Variants in CAPN15 observed in about 807,000 individuals in gnomAD.
The protein encoded by CAPN15 is calpain-15.
A neutral mutation model predicts 97.9 loss-of-function variants in CAPN15; 53 were observed. The ratio of observed to expected loss-of-function variants is 0.54; its 90% CI spans 0.43 to 0.68. The LOEUF is 0.68. Among genes scored for constraint, CAPN15 ranks in the 30% least tolerant of loss-of-function variants. CAPN15 has a pLI of 0.00. For missense variants in CAPN15, 1,592 were observed against 1,589.8 expected (o/e 1.00, Z -0.02); for synonymous variants, 922 against 722.5 (o/e 1.28, Z -4.43).
At chr16:529,324 T>C (rs1456173791) in intron 1 of CAPN15, among the ~76,000 whole-genome samples, 1 of 152,102 alleles carries the variant, frequency 6.6e-6, no homozygotes, top group African/African-American at 2.4e-5. Context: ...TCCCCTGTAA[T>C]GCTGCATCTG....
chr16:543,728 C>A (rs1465437040), intron 3 of CAPN15, among the ~76,000 whole-genome samples: 5 of 152,204 alleles, frequency 3.3e-5, no homozygotes, highest in African/African-American at 4.8e-5. Flanking sequence ...ACACGCGGAG[C>A]CCTCCCCACC....
Position 549,393 on chromosome 16 carries a change from C to T in CAPN15, c.1764C>T (p.Cys588=). The change falls in exon 6 of 14, where the codon TGC becomes TGT. Residue 588 remains cysteine, a synonymous_variant. Transcript: ENST00000219611. ...AGGGCGCCTACCAGGTGCGGCTGTG[C>T]AAGGACGGCACGTGGACCACGGTGC... The part of the protein sequence containing the change: ...CAEGAYQVRL[C]KDGTWTTVLV... The T allele has an allele frequency of 6.3e-7, 1 of 1,599,052 alleles. No individual in the cohort carries two copies. Among genetic ancestry groups the T allele is most frequent in the Non-Finnish European group, 8.5e-7 (1 of 1,178,706 alleles).
In CAPN15 at chr16:553,490, G is replaced by A. The variant is rs79123767; in HGVS notation, c.3235G>A (p.Gly1079Ser). 210 of 1,609,094 alleles carry A rather than the reference G, an allele frequency of 1.3e-4. 1 individual carries two copies. In the East Asian group the frequency reaches 1.7e-3, roughly 13 times the overall value. Reference sequence around the variant, plus strand: ...CCCCCCACTCACGCCAGAGGTCGCCGGTCTGCATGGGCCCCGACCGCTGTG... The same window carrying A: ...CCCCCCACTCACGCCAGAGGTCGCCAGTCTGCATGGGCCCCGACCGCTGTG... ...HSPPLTPEVA[G>S]LHGPRPL Residue 1079 changes from glycine (G) to serine (S), a missense_variant, in exon 14 of 14, where the codon GGT becomes AGT. This residue lies in a region of CAPN15 where 644 missense variants were observed against 699.6 expected (regional missense o/e 0.92). Transcript: ENST00000219611.
chr16:548,982 G>T lies in CAPN15; in HGVS notation c.1450-11G>T. The T allele has an allele frequency of 6.2e-7, 1 of 1,612,392 alleles. No individual in the cohort carries two copies. Among genetic ancestry groups the T allele is most frequent in the South Asian group, 1.1e-5 (1 of 91,062 alleles). ...CTGCCCAGCCTGAGCACATGGCCGT[G>T]GTCTCTGCAGAACAATGTGAGCTTC... On this transcript the variant is annotated splice_polypyrimidine_tract_variant and intron_variant, in intron 4 of 13. Coordinates refer to ENST00000219611, the MANE Select transcript of CAPN15 (RefSeq NM_005632.3).
rs200514593 is a variant in CAPN15 at position 552,306 on chromosome 16, C to T, written c.2513C>T (p.Ser838Leu). 8.3e-5 allele frequency: 129 copies of T among 1,556,692 alleles called. No individual in the cohort carries two copies. Among genetic ancestry groups the T allele is most frequent in the South Asian group, 2.1e-4 (18 of 85,704 alleles). The change falls in exon 11 of 14, where the codon TCG (serine) becomes TTG (leucine). Residue 838 changes from serine (S) to leucine (L), a missense_variant. By Grantham distance (145) the Ser-to-Leu change is moderately radical. Around this residue, in one of 3 missense-constraint regions of CAPN15, gnomAD observed 644 missense variants for 699.6 expected, o/e 0.92. Transcript: ENST00000219611. This position sits in a 1 kb window ranked among gnomAD's most constrained non-coding sequence, Gnocchi z 6.4. The stretch of plus-strand genomic sequence containing the variant: ...GCCCGTGGTGTCTGGCGCAGGCGCT[C>T]GGACGCCGTGGACAGCCACCTGCTG... ...FALFQEGSRR[S>L]DAVDSHLLDL... is the part of the protein sequence containing the mutation.
Position 547,207 on chromosome 16 carries a change from C to G in CAPN15, c.369C>G (p.Cys123Trp), listed in dbSNP as rs374346295. The G allele has an allele frequency of 2.6e-6, 4 of 1,530,130 alleles. No individual in the cohort carries two copies. Among genetic ancestry groups the G allele is most frequent in the Non-Finnish European group, 3.5e-6 (4 of 1,144,114 alleles). The allele number at this position is 1,530,130 out of a possible 1,614,324, so 94.8% of individuals were successfully genotyped here. Residue 123 changes from cysteine (C) to tryptophan (W), a missense_variant, in exon 4 of 14, where the codon TGC (cysteine) becomes TGG (tryptophan). This residue lies in a region of CAPN15 where 883 missense variants were observed against 776.6 expected (regional missense o/e 1.14). Transcript: ENST00000219611. ...LVATEPARGQCEDKDEEEKEE... is the reference protein window; with the variant it reads ...LVATEPARGQWEDKDEEEKEE... The stretch of plus-strand genomic sequence containing the variant: ...CCACGGAGCCCGCCAGGGGGCAGTG[C>G]GAGGACAAGGACGAGGAGGAGAAGG...
rs149502771 is a variant in CAPN15 at position 547,924 on chromosome 16, C to T, written c.1086C>T (p.Ala362=). Residue 362 remains alanine (A), a synonymous_variant, in exon 4 of 14, where the codon GCC becomes GCT. Coordinates refer to ENST00000219611, the MANE Select transcript of CAPN15 (RefSeq NM_005632.3). ...CCACAGTGGCCCCCAGGTGCTCGGCCTGCGGCTGCTCCAAACTGCACGGCT... is the reference window on the plus strand; with the variant it reads ...CCACAGTGGCCCCCAGGTGCTCGGCTTGCGGCTGCTCCAAACTGCACGGCT... ...RNPTVAPRCS[A]CGCSKLHGFQ... is the part of the protein sequence containing the mutation. 3.0e-3 allele frequency: 4,828 copies of T among 1,605,766 alleles called. 9 individuals carry two copies. Among genetic ancestry groups the T allele is most frequent in the Non-Finnish European group, 3.8e-3 (4,506 of 1,176,876 alleles).
rs769988814 is a variant in CAPN15 at position 549,564 on chromosome 16, C to T, written c.1843-51C>T. 13 of 165,822 alleles carry T rather than the reference C, an allele frequency of 7.8e-5. No homozygotes were observed. The highest frequency in any genetic ancestry group is 8.7e-5 in the Non-Finnish European group (9 of 103,046). The allele number at this position is 165,822 out of a possible 1,614,324, so 10.3% of individuals were successfully genotyped here. On this transcript the variant is annotated intron_variant, in intron 6 of 13. Transcript: ENST00000219611. The stretch of plus-strand genomic sequence containing the variant: ...CCGGCTGCTTCCTCTTCTCCCAGGG[C>T]GGGTAGTGTGGGGGGCGGGCGGGGG...
chr16:531,479 A>G (rs1290520833), intron 1 of CAPN15, among the ~76,000 whole-genome samples: 1 of 151,854 alleles, frequency 6.6e-6, no homozygotes, highest in Admixed American at 6.6e-5. Context: ...GAAAGGCAAT[A>G]AGTTTTGGAG....
At position 547,539 on chromosome 16, in the gene CAPN15, C is replaced by G; in HGVS notation, c.701C>G (p.Pro234Arg). The change falls in exon 4 of 14, where the codon CCC becomes CGC. Residue 234 changes from proline to arginine, a missense_variant. This residue lies in a region of CAPN15 where 883 missense variants were observed against 776.6 expected (regional missense o/e 1.14). Coordinates refer to ENST00000219611, the MANE Select transcript of CAPN15 (RefSeq NM_005632.3). ...CCGCCCAGGGTCCCGCCCTTCAGCC[C>G]CTTCTCGTCCACCCTGCAGAACAAC... ...PEPPRVPPFS[P>R]FSSTLQNNPV... 6.3e-7 allele frequency: 1 copy of G among 1,597,786 alleles called. No homozygotes were observed. Among genetic ancestry groups the G allele is most frequent in the African/African-American group, 1.3e-5 (1 of 74,990 alleles).
intron 4 of CAPN15, 96 bp from the exon 5 acceptor site, chr16:548,897 A>C (rs887039410): frequency 9.0e-7 from 1 of 1,111,604 alleles, no homozygotes. Flanking sequence ...GGGCTCAGGC[A>C]GTGCTTTTGG....
At chr16:544,814 CCCCCACGTCGCCTCCCCCACGTCGCCT>C in intron 3 of CAPN15, among the ~76,000 whole-genome samples, 1 of 37,372 alleles carries the variant, frequency 2.7e-5, no homozygotes. Flanking sequence ...CACGTCGCCT[CCCCCACGTCGCCTCCCCCACGTCGCCT>C]CCCCCACGTC....
intron 3 of CAPN15, among the ~76,000 whole-genome samples, chr16:543,642 A>G (rs2034312465): frequency 6.6e-6 from 1 of 152,156 alleles, no homozygotes. Context: ...CCCAAGGTGC[A>G]TGGTGAGGAG....
rs2035304445 is a variant in CAPN15 at position 554,363 on chromosome 16, C to T, written c.*847C>T. On this transcript the variant is annotated 3_prime_UTR_variant, in exon 14 of 14. Transcript: ENST00000219611. Reference sequence around the variant, plus strand: ...CAGCTTTCTGCGTGCCCTCCTGGCCCCTCACTCCCGGCAGCGGGCCGGCCT... The same window carrying T: ...CAGCTTTCTGCGTGCCCTCCTGGCCTCTCACTCCCGGCAGCGGGCCGGCCT... 1 of 387,822 alleles carries T rather than the reference C, an allele frequency of 2.6e-6. No homozygotes were observed. The allele number at this position is 387,822 out of a possible 1,614,324, so 24.0% of individuals were successfully genotyped here. A position where few individuals can be genotyped will look rare whatever the true frequency, so the allele number is the denominator to read the frequency against.
chr16:529,898 G>A (rs1016536087), intron 1 of CAPN15, among the ~76,000 whole-genome samples: 2 of 152,154 alleles, frequency 1.3e-5, no homozygotes, highest in African/African-American at 4.8e-5. Flanking sequence ...ATAAGACACA[G>A]AAGAAGGAGG....
intron 1 of CAPN15, among the ~76,000 whole-genome samples, chr16:532,765 A>G (rs1335319129): frequency 6.6e-6 from 1 of 151,268 alleles, no homozygotes; most frequent in Non-Finnish European, 1.5e-5. Flanking sequence ...AGGCAGGAGA[A>G]TGGCGTGAAC....
chr16:540,653 T>G (rs1267652094), intron 3 of CAPN15, among the ~76,000 whole-genome samples: 2 of 152,200 alleles, frequency 1.3e-5, no homozygotes, highest in Non-Finnish European at 2.9e-5. Context: ...TCCTGAAGCT[T>G]CTTTTTGGGC....
Position 548,054 on chromosome 16 carries a change from G to A in CAPN15, c.1216G>A (p.Ala406Thr), listed in dbSNP as rs754615150. Residue 406 changes from alanine (A) to threonine (T), a missense_variant, in exon 4 of 14, where the codon GCC (alanine) becomes ACC (threonine). By Grantham distance (58) the Ala-to-Thr change is moderately conservative (BLOSUM62 0). Coordinates refer to ENST00000219611, the MANE Select transcript of CAPN15 (RefSeq NM_005632.3). ...CGRVSSAQKA[A>T]RVLPERPGQW... is the part of the protein sequence containing the mutation. ...ACGGGTGTCCTCGGCCCAGAAGGCC[G>A]CCCGCGTCCTGCCCGAGCGCCCGGG... is the stretch of plus-strand genomic sequence containing the variant. The A allele has an allele frequency of 1.2e-5, 18 of 1,550,848 alleles. No homozygotes were observed. The highest frequency in any genetic ancestry group is 5.9e-5 in the South Asian group (5 of 84,634).
chr16:543,911 G>A (rs1047526102), intron 3 of CAPN15, among the ~76,000 whole-genome samples: 10 of 152,166 alleles, frequency 6.6e-5, no homozygotes, highest in Admixed American at 6.5e-5. Context: ...CCCCATGACC[G>A]CTCCCCCACA....
Sources: allele counts gnomAD v4.1 joint callset (sites outside exome capture counted in the v4.1 genomes callset), GRCh38; gene constraint gnomAD v4.1.1; regional missense constraint gnomAD v4.1.1; non-coding constraint Gnocchi (gnomAD v3.1); transcripts MANE v1.5; gene names NCBI Gene and HGNC (gene_info 2026-07-23, HGNC 2026-07-21).